CMIP: variants seen among roughly 807,000 people sequenced by gnomAD.
CMIP encodes C-Maf-inducing protein.
Under a neutral mutation model 97.3 loss-of-function variants are expected in CMIP, and 13 were observed. The observed-to-expected ratio is 0.13, with a 90% confidence interval of 0.09 to 0.21. The LOEUF (loss-of-function observed/expected upper bound fraction) is 0.21. CMIP is among the 10% of genes least tolerant of loss of function. The pLI is 1.00. For missense variants in CMIP, 847 were observed against 1,024.9 expected, an observed-to-expected ratio of 0.83 and a Z score of 2.37; for synonymous variants, 538 against 436.3, an observed-to-expected ratio of 1.23 and a Z score of -2.91.
intron 2 of CMIP, among the ~76,000 whole-genome samples, chr16:81,609,240 C>G (rs2091791641): frequency 6.9e-6 from 1 of 143,996 alleles, no homozygotes; most frequent in Non-Finnish European, 1.5e-5. Context: ...CTCCTCTCAT[C>G]TTTATGATAG....
chr16:81,482,144 G>A (rs1329911100), intron 1 of CMIP, among the ~76,000 whole-genome samples: 1 of 152,114 alleles, frequency 6.6e-6, no homozygotes, highest in African/African-American at 2.4e-5. Context: ...CTCCCAAAGT[G>A]CTGGGATTAT....
At chr16:81,637,612 C>T (rs2092253137) in intron 3 of CMIP, among the ~76,000 whole-genome samples, 1 of 91,412 alleles carries the variant, frequency 1.1e-5, no homozygotes, top group Admixed American at 1.1e-4. Context: ...GTAGATCTGC[C>T]CGACTCTCCG....
intron 3 of CMIP, among the ~76,000 whole-genome samples, chr16:81,629,288 G>C (rs2092120903): frequency 6.6e-6 from 1 of 151,978 alleles, no homozygotes; most frequent in Non-Finnish European, 1.5e-5. Flanking sequence ...CCCAGGCCCG[G>C]TGTCACACTC....
chr16:81,600,185 A>G (rs2091634009), intron 1 of CMIP, among the ~76,000 whole-genome samples: 1 of 148,500 alleles, frequency 6.7e-6, no homozygotes. Context: ...AGGCTGAGGC[A>G]GGAGAATCAC....
chr16:81,617,982 G>C (rs1016041758), intron 2 of CMIP, among the ~76,000 whole-genome samples: 1 of 152,188 alleles, frequency 6.6e-6, no homozygotes, highest in Admixed American at 6.5e-5. Context: ...TTGCTTGGCC[G>C]TTCCGTCCAG....
At chr16:81,618,807 T>C (rs200882346) in intron 2 of CMIP, 1 of 151,272 alleles carries the variant, frequency 6.6e-6, no homozygotes, top group Non-Finnish European at 1.5e-5. Flanking sequence ...TGCTGGCCCC[T>C]GTTTGTGGAG....
chr16:81,483,732 C>T (rs1057394565), intron 1 of CMIP, among the ~76,000 whole-genome samples: 1 of 152,216 alleles, frequency 6.6e-6, no homozygotes, highest in African/African-American at 2.4e-5. Flanking sequence ...GCCATCCCCT[C>T]CTCCAGCTAT....
At chr16:81,452,982 G>C (rs1014034381) in intron 1 of CMIP, among the ~76,000 whole-genome samples, 1 of 139,524 alleles carries the variant, frequency 7.2e-6, no homozygotes, top group Admixed American at 7.7e-5. Context: ...AAATGACAAA[G>C]CCCAGCAGAA....
At chr16:81,651,363 A>T (rs911321523) in intron 3 of CMIP, 3 of 945,980 alleles carry the variant, frequency 3.2e-6, no homozygotes, top group South Asian at 4.9e-5. Flanking sequence ...CTCTGCCTCA[A>T]ATCCAGGGAG....
At chr16:81,448,893 C>T (rs557336989) in intron 1 of CMIP, among the ~76,000 whole-genome samples, 1 of 152,382 alleles carries the variant, frequency 6.6e-6, no homozygotes, top group Admixed American at 6.5e-5. Context: ...TGTACCCAAA[C>T]TTCCCAGTTC....
At chr16:81,556,208 AG>A (rs2090760666) in intron 1 of CMIP, among the ~76,000 whole-genome samples, 1 of 152,114 alleles carries the variant, frequency 6.6e-6, no homozygotes, top group Admixed American at 6.6e-5. Context: ...AACCTGTTCT[AG>A]CCCGGGTGGG....
chr16:81,628,057 C>A (rs1267628537), intron 3 of CMIP, among the ~76,000 whole-genome samples: 2 of 152,114 alleles, frequency 1.3e-5, no homozygotes, highest in Non-Finnish European at 2.9e-5. Context: ...TGACACAGAG[C>A]CCTTGAGCTG....
chr16:81,513,921 T>A (rs2089860887), intron 1 of CMIP, among the ~76,000 whole-genome samples: 2 of 152,248 alleles, frequency 1.3e-5, no homozygotes, highest in Non-Finnish European at 2.9e-5. Flanking sequence ...GGGGCATTCT[T>A]GCCCCCACTG....
intron 1 of CMIP, among the ~76,000 whole-genome samples, chr16:81,463,675 G>T (rs1204395945): frequency 1.3e-5 from 2 of 152,284 alleles, no homozygotes; most frequent in East Asian, 3.9e-4. Flanking sequence ...CACTTATTCA[G>T]CCCCCTGGGT....
chr16:81,680,694 G>A (rs147231327), intron 10 of CMIP, among the ~76,000 whole-genome samples: 47 of 152,320 alleles, frequency 3.1e-4, no homozygotes, highest in African/African-American at 1.1e-3. Flanking sequence ...TGTCTTCAAG[G>A]CAGAGAAGGG....
At chr16:81,589,709 A>T (rs1050650613) in intron 1 of CMIP, among the ~76,000 whole-genome samples, 3 of 152,334 alleles carry the variant, frequency 2.0e-5, no homozygotes, top group African/African-American at 7.2e-5. Flanking sequence ...TTTCGAAGAA[A>T]AGTTTTTGTT....
chr16:81,627,576 C>T lies in CMIP; in HGVS notation c.477+6650C>T, dbSNP rs1194743330. On this transcript the variant is annotated intron_variant, in intron 3 of 20. Transcript: ENST00000537098. This position sits in a 1 kb window ranked among gnomAD's most constrained non-coding sequence, Gnocchi z 4.6. ...GGCTAGGGTGGGTGGGAAGCCCGCCCTCGAGACTGTCTCTGCCCGGCTCTG... is the reference window on the plus strand; with the variant it reads ...GGCTAGGGTGGGTGGGAAGCCCGCCTTCGAGACTGTCTCTGCCCGGCTCTG... Among the ~76,000 whole-genome samples, 1 of 152,054 alleles carries T rather than the reference C, an allele frequency of 6.6e-6. No individual in the cohort carries two copies. The highest frequency in any genetic ancestry group is 1.5e-5 in the Non-Finnish European group (1 of 67,990).
intron 1 of CMIP, among the ~76,000 whole-genome samples, chr16:81,547,481 A>C (rs1161808319): frequency 6.6e-6 from 1 of 152,100 alleles, no homozygotes; most frequent in Non-Finnish European, 1.5e-5. Context: ...GCCAGTGACA[A>C]CCAGTTCAGA....
chr16:81,579,415 C>G (rs553756412), intron 1 of CMIP, among the ~76,000 whole-genome samples: 1 of 152,328 alleles, frequency 6.6e-6, no homozygotes, highest in East Asian at 1.9e-4. Context: ...GCCCTCCAGA[C>G]CTCGGAAGCC....
Sources: gnomAD v4.1 joint callset for allele counts (sites outside exome capture counted in the v4.1 genomes callset) on GRCh38, gnomAD v4.1.1 for gene constraint, Gnocchi (gnomAD v3.1) non-coding constraint, MANE v1.5 for transcripts, NCBI Gene and HGNC (gene_info 2026-07-23, HGNC 2026-07-21) for gene names.